Variants in EMC2 observed in about 807,000 individuals in gnomAD.
The protein encoded by EMC2 is TPR repeat protein 35.
EMC2 carries 37 observed loss-of-function variants against 51.6 expected under a neutral mutation model. The observed-to-expected ratio is 0.72, with a 90% CI of 0.55 to 0.94. The LOEUF is 0.94. Among genes scored for constraint, EMC2 ranks in the 40% least tolerant of loss-of-function variants. The pLI is 0.00. For synonymous variants in EMC2, 131 were observed against 112.4 expected, an observed-to-expected ratio of 1.17 and a Z score of -1.04; for missense variants, 359 against 350.9, an observed-to-expected ratio of 1.02 and a Z score of -0.18.
chr8:108,472,629 T>TA (rs1343349948), intron 7 of EMC2, among the ~76,000 whole-genome samples: 1 of 151,852 alleles, frequency 6.6e-6, no homozygotes, highest in Non-Finnish European at 1.5e-5. Flanking sequence ...CTGTGAAAAT[T>TA]ACAATCAGTT....
chr8:108,458,464 AC>A (rs1819221601), intron 5 of EMC2, among the ~76,000 whole-genome samples: 1 of 152,064 alleles, frequency 6.6e-6, no homozygotes, highest in Admixed American at 6.5e-5. Flanking sequence ...ATTTCCATAT[AC>A]CCTCTGAAAT....
At chr8:108,474,206 T>C (rs1418435954) in intron 7 of EMC2, 4 of 151,996 alleles carry the variant, frequency 2.6e-5, no homozygotes, top group African/African-American at 9.7e-5. Context: ...GCCCATTTTA[T>C]CTTGCTTTAT....
chr8:108,487,061 T>C lies in EMC2; in HGVS notation c.*463T>C, dbSNP rs2130427452. On this transcript the variant is annotated 3_prime_UTR_variant, in exon 11 of 11. Transcript: ENST00000220853. ...GCAGATTATTTTGACTTTGTTTATATTGTCGAATTGGATTTTGCTGTACAT... is the reference window on the plus strand; with the variant it reads ...GCAGATTATTTTGACTTTGTTTATACTGTCGAATTGGATTTTGCTGTACAT... 1 of 152,428 alleles carries C rather than the reference T, an allele frequency of 6.6e-6. No individual in the cohort carries two copies. Among genetic ancestry groups the C allele is most frequent in the Non-Finnish European group, 1.5e-5 (1 of 68,062 alleles). 9.4% of individuals were successfully genotyped at this position (152,428 alleles called of 1,614,324 possible).
chr8:108,449,703 G>T lies in EMC2; in HGVS notation c.41-120G>T, dbSNP rs114134173. 2.9e-3 allele frequency: 1,580 copies of T among 550,620 alleles called. 18 individuals carry two copies. Among genetic ancestry groups the T allele is most frequent in the African/African-American group, 0.028 (1,447 of 51,370 alleles). The allele number at this position is 550,620 out of a possible 1,614,324, so 34.1% of individuals were successfully genotyped here. On this transcript the variant is annotated intron_variant, in intron 1 of 10. Transcript: ENST00000220853. ...AGATACCACAGACTTCTACATGATT[G>T]TGAGTTTATTTTCCTTACCTAAAAA...
At position 108,486,619 on chromosome 8, in the gene EMC2, A is replaced by G. The variant is rs148614312; in HGVS notation, c.*21A>G. The G allele has an allele frequency of 1.5e-3, 2,438 of 1,581,958 alleles. 4 individuals are homozygous for G. The highest frequency in any genetic ancestry group is 0.011 in the Middle Eastern group (66 of 5,872). ...CTTAAGGTTTCAAAAACTCTTTGAC[A>G]TTAGATTTCACAACTGCACAATTGA... On this transcript the variant is annotated 3_prime_UTR_variant, in exon 11 of 11. Transcript: ENST00000220853.
chr8:108,454,443 C>T (rs1363501220), intron 4 of EMC2, among the ~76,000 whole-genome samples: 2 of 152,044 alleles, frequency 1.3e-5, no homozygotes, highest in South Asian at 4.1e-4. Flanking sequence ...AGTCAACTTT[C>T]AAGTAACACT....
rs779670220 is a variant in EMC2, at chr8:108,475,812, A to G, written c.510-70A>G. ...ACATGACTAAAGTTGTTTTTAAATT[A>G]TTTCAAGGTTTAACTAAGATAAAAA... On this transcript the variant is annotated intron_variant, in intron 7 of 10. Transcript: ENST00000220853. The G allele has an allele frequency of 6.7e-5, 55 of 817,672 alleles. No homozygotes were observed. The Middle Eastern group carries it at 9.8e-4, about 15-fold the overall frequency. The allele number at this position is 817,672 out of a possible 1,614,324, so 50.7% of individuals were successfully genotyped here.
At chr8:108,462,213 T>TTGTGTGCGTGTGTG (rs756130562) in intron 5 of EMC2, among the ~76,000 whole-genome samples, 12 of 122,498 alleles carry the variant, frequency 9.8e-5, no homozygotes, top group Admixed American at 2.5e-4. Context: ...TGTGTGTGTT[T>TTGTGTGCGTGTGTG]TGTGTGCGTG....
intron 5 of EMC2, chr8:108,463,995 A>G (rs1819401397): frequency 6.6e-6 from 1 of 152,384 alleles, no homozygotes; most frequent in South Asian, 2.1e-4. Context: ...CTGGCCCCCT[A>G]ACTATTCCTT....
At chr8:108,458,841 T>C (rs1268074948) in intron 5 of EMC2, among the ~76,000 whole-genome samples, 2 of 152,246 alleles carry the variant, frequency 1.3e-5, no homozygotes, top group Non-Finnish European at 2.9e-5. Context: ...CTTGAATTTC[T>C]TCTCAGAAAA....
chr8:108,488,232 G>A lies in EMC2; in HGVS notation c.*1634G>A, dbSNP rs923679796. On this transcript the variant is annotated 3_prime_UTR_variant, in exon 11 of 11. Coordinates refer to ENST00000220853, the MANE Select transcript of EMC2 (RefSeq NM_014673.5). ...CAGGCTGGAGTGCAGTGACGTGATC[G>A]CAGCTCACTGCAACCTCCTCCCGGG... Among the ~76,000 whole-genome samples, 1 of 148,270 alleles carries A rather than the reference G, an allele frequency of 6.7e-6. No homozygotes were observed. The highest frequency in any genetic ancestry group is 1.5e-5 in the Non-Finnish European group (1 of 67,488).
Position 108,443,701 on chromosome 8 carries a change from A to G in EMC2, c.40+3A>G. 1 of 1,608,932 alleles carries G rather than the reference A, an allele frequency of 6.2e-7. No homozygotes were observed. The highest frequency in any genetic ancestry group is 8.5e-7 in the Non-Finnish European group (1 of 1,177,484). On this transcript the variant is annotated splice_donor_region_variant and intron_variant, in intron 1 of 10. Coordinates refer to ENST00000220853, the MANE Select transcript of EMC2 (RefSeq NM_014673.5). ...GCTTTACGATGTCACTTGGGAAGGTAACTTCGGGTGGGGGCGGGTGCGGAA... is the reference window on the plus strand; with the variant it reads ...GCTTTACGATGTCACTTGGGAAGGTGACTTCGGGTGGGGGCGGGTGCGGAA...
intron 2 of EMC2, 90 bp from the exon 3 acceptor site, chr8:108,450,338 T>C (rs1451175538): frequency 6.0e-5 from 47 of 789,750 alleles, no homozygotes; most frequent in Non-Finnish European, 1.8e-5. Context: ...TAATGTTCTC[T>C]AGAAATATCA....
At chr8:108,467,734 A>G (rs1810758603) in intron 5 of EMC2, among the ~76,000 whole-genome samples, 1 of 152,036 alleles carries the variant, frequency 6.6e-6, no homozygotes, top group Non-Finnish European at 1.5e-5. Flanking sequence ...ACAAGTTTTC[A>G]CTGCTTACAG....
chr8:108,465,749 A>C (rs1294010250), intron 5 of EMC2, among the ~76,000 whole-genome samples: 1 of 152,238 alleles, frequency 6.6e-6, no homozygotes, highest in Non-Finnish European at 1.5e-5. Flanking sequence ...TTGTGAGGTC[A>C]AAAAATGTAA....
At chr8:108,449,685 A>G (rs1818968862) in intron 1 of EMC2, 138 bp from the exon 2 acceptor site, 4 of 510,330 alleles carry the variant, frequency 7.8e-6, no homozygotes, top group Admixed American at 8.0e-5. Flanking sequence ...TTGAGATACC[A>G]CAGACTTCTA....
At position 108,482,728 on chromosome 8, in the gene EMC2, C is replaced by T. The variant is rs114240659; in HGVS notation, c.807+3618C>T. Among the ~76,000 whole-genome samples, 398 of 151,966 alleles carry T rather than the reference C, an allele frequency of 2.6e-3. 4 individuals carry two copies. Among genetic ancestry groups the T allele is most frequent in the African/African-American group, 9.0e-3 (375 of 41,460 alleles). On this transcript the variant is annotated intron_variant, in intron 10 of 10. Transcript: ENST00000220853. ...CCTCCCAACTAGCTGGTACTGTAGACGCATGTCACCGTGCTCGGCTAACTT... is the reference window on the plus strand; with the variant it reads ...CCTCCCAACTAGCTGGTACTGTAGATGCATGTCACCGTGCTCGGCTAACTT...
At chr8:108,448,748 A>G (rs1198258211) in intron 1 of EMC2, among the ~76,000 whole-genome samples, 4 of 150,368 alleles carry the variant, frequency 2.7e-5, no homozygotes, top group Admixed American at 2.0e-4. Context: ...TTTTCTTTGA[A>G]CTGTTTACTC....
In EMC2 at chr8:108,459,571, A is replaced by G. The variant is rs551675475; in HGVS notation, c.363+3641A>G. 2.6e-5 allele frequency among the ~76,000 whole-genome samples: 4 copies of G among 152,278 alleles called. No individual in the cohort carries two copies. The South Asian group carries it at 8.3e-4, about 32-fold the overall frequency. On this transcript the variant is annotated intron_variant, in intron 5 of 10. Coordinates refer to ENST00000220853, the MANE Select transcript of EMC2 (RefSeq NM_014673.5). ...TCAGATCTTGTGAGACTCATTCACTATCATGAGAACAGTGCAGGAAAGACA... is the reference window on the plus strand; with the variant it reads ...TCAGATCTTGTGAGACTCATTCACTGTCATGAGAACAGTGCAGGAAAGACA...
Sources: gnomAD v4.1 joint callset for allele counts (sites outside exome capture counted in the v4.1 genomes callset) on GRCh38, gnomAD v4.1.1 for gene constraint, MANE v1.5 for transcripts, NCBI Gene and HGNC (gene_info 2026-07-23, HGNC 2026-07-21) for gene names.